The following TSPAN5 variants were observed in gnomAD, a reference collection of about 807,000 sequenced individuals.
The protein encoded by TSPAN5 is tetraspanin 5, also known as tetraspanin-5.
TSPAN5 carries 10 observed loss-of-function variants against 37.1 expected under a neutral mutation model. The observed-to-expected ratio is 0.27, with a 90% CI of 0.17 to 0.46. The LOEUF (loss-of-function observed/expected upper bound fraction) is 0.46, where lower values mean the gene tolerates loss of function less well. TSPAN5 is among the 20% of genes least tolerant of loss of function. The pLI is 1.00. For synonymous variants in TSPAN5, 110 were observed against 118.9 expected, an observed-to-expected ratio of 0.93 and a Z score of 0.48; for missense variants, 195 against 326.6, an observed-to-expected ratio of 0.60 and a Z score of 3.11.
intron 2 of TSPAN5, among the ~76,000 whole-genome samples, chr4:98,500,930 G>A (rs4699638): frequency 0.33 from 50,240 of 151,786 alleles, 8,796 homozygotes; most frequent in Admixed American, 0.43. Context: ...GGCAGAATGG[G>A]AACATTCAAT....
chr4:98,636,955 C>T (rs908275553), intron 1 of TSPAN5, among the ~76,000 whole-genome samples: 7 of 152,140 alleles, frequency 4.6e-5, no homozygotes, highest in Non-Finnish European at 8.8e-5. Flanking sequence ...TGTGAGGTTT[C>T]TTAGCCCAGT....
intron 1 of TSPAN5, among the ~76,000 whole-genome samples, chr4:98,634,589 C>A (rs12509052): frequency 1.3e-5 from 2 of 152,144 alleles, no homozygotes; most frequent in African/African-American, 4.8e-5. Context: ...GAGGGAAAAA[C>A]GCTTTGTCAG....
intron 1 of TSPAN5, among the ~76,000 whole-genome samples, chr4:98,522,328 G>A (rs975618827): frequency 7.2e-5 from 11 of 152,166 alleles, no homozygotes; most frequent in South Asian, 2.1e-4. Context: ...TCAAGTCCAC[G>A]CTGAAACAGG....
intron 2 of TSPAN5, among the ~76,000 whole-genome samples, chr4:98,492,149 C>A (rs1293526360): frequency 6.6e-6 from 1 of 152,130 alleles, no homozygotes; most frequent in Non-Finnish European, 1.5e-5. Flanking sequence ...TCCTGCTGGC[C>A]TGGTGAGGGC....
At chr4:98,587,616 G>A (rs192626105) in intron 1 of TSPAN5, among the ~76,000 whole-genome samples, 61 of 152,274 alleles carry the variant, frequency 4.0e-4, no homozygotes, top group South Asian at 3.9e-3. Flanking sequence ...CTGGCCGGGC[G>A]CAGTGGCTCA....
At chr4:98,579,986 A>C (rs544055767) in intron 1 of TSPAN5, among the ~76,000 whole-genome samples, 104 of 152,210 alleles carry the variant, frequency 6.8e-4, no homozygotes, top group Non-Finnish European at 1.2e-3. Flanking sequence ...ATATATGACT[A>C]TAATAGTAAC....
chr4:98,626,615 C>T (rs1332174297), intron 1 of TSPAN5, among the ~76,000 whole-genome samples: 1 of 152,110 alleles, frequency 6.6e-6, no homozygotes, highest in Non-Finnish European at 1.5e-5. Flanking sequence ...AGAACCTTCA[C>T]CCCTACAGGC....
At chr4:98,604,579 T>A (rs1215042156) in intron 1 of TSPAN5, among the ~76,000 whole-genome samples, 5 of 152,220 alleles carry the variant, frequency 3.3e-5, no homozygotes, top group Non-Finnish European at 5.9e-5. Flanking sequence ...TAGGCAGTAG[T>A]GGGATTTATA....
At position 98,522,681 on chromosome 4, in the gene TSPAN5, T is replaced by A. The variant is rs147516541; in HGVS notation, c.82-14953A>T. Among the ~76,000 whole-genome samples, 661 of 152,328 alleles carry A rather than the reference T, an allele frequency of 4.3e-3. 5 individuals carry two copies. Among genetic ancestry groups the A allele is most frequent in the Middle Eastern group, 0.014 (4 of 294 alleles). ...TGAAAGAAGGCACAGAGGCAATTAG[T>A]CCTTTGTTGTGGATGACAAATAACC... is the stretch of plus-strand genomic sequence containing the variant. On this transcript the variant is annotated intron_variant, in intron 1 of 7. Coordinates refer to ENST00000305798, the MANE Select transcript of TSPAN5 (RefSeq NM_005723.4).
chr4:98,598,379 G>A (rs1755801963), intron 1 of TSPAN5, among the ~76,000 whole-genome samples: 1 of 150,178 alleles, frequency 6.7e-6, no homozygotes, highest in Admixed American at 6.6e-5. Context: ...AGATGGAAAT[G>A]CAGAAATCAC....
chr4:98,639,855 A>C (rs1421485824), intron 1 of TSPAN5, among the ~76,000 whole-genome samples: 1 of 152,224 alleles, frequency 6.6e-6, no homozygotes, highest in Non-Finnish European at 1.5e-5. Context: ...ATTGTTCCAG[A>C]AATCTTTACT....
At chr4:98,491,830 T>C (rs749570176) in intron 2 of TSPAN5, among the ~76,000 whole-genome samples, 1 of 152,142 alleles carries the variant, frequency 6.6e-6, no homozygotes, top group African/African-American at 2.4e-5. Flanking sequence ...TCAGCTCAAT[T>C]TGACAGATGA....
chr4:98,598,760 G>T (rs762281631), intron 1 of TSPAN5, among the ~76,000 whole-genome samples: 1 of 152,158 alleles, frequency 6.6e-6, no homozygotes, highest in Non-Finnish European at 1.5e-5. Flanking sequence ...GAGCCACCGT[G>T]CCTGGCCCCT....
At chr4:98,541,475 G>T (rs1233298015) in intron 1 of TSPAN5, among the ~76,000 whole-genome samples, 3 of 151,996 alleles carry the variant, frequency 2.0e-5, no homozygotes. Flanking sequence ...AGGAGATCGA[G>T]ACTAGCCTGG....
chr4:98,545,408 T>C (rs1332351613), intron 1 of TSPAN5, among the ~76,000 whole-genome samples: 1 of 152,244 alleles, frequency 6.6e-6, no homozygotes, highest in Non-Finnish European at 1.5e-5. Context: ...GGGGTTTCTG[T>C]CACTTAGAGC....
chr4:98,614,873 T>G (rs1013839528), intron 1 of TSPAN5, among the ~76,000 whole-genome samples: 1 of 152,218 alleles, frequency 6.6e-6, no homozygotes, highest in African/African-American at 2.4e-5. Context: ...AGGCCCTTCA[T>G]GAATGTCAGG....
chr4:98,641,169 TCTC>T (rs1228233963), intron 1 of TSPAN5, among the ~76,000 whole-genome samples: 5 of 152,114 alleles, frequency 3.3e-5, no homozygotes, highest in Admixed American at 3.3e-4. Flanking sequence ...TTTTATATAA[TCTC>T]CTACTATCTG....
chr4:98,627,032 T>C lies in TSPAN5; in HGVS notation c.81+31114A>G, dbSNP rs538645856. On this transcript the variant is annotated intron_variant, in intron 1 of 7. Transcript: ENST00000305798. Reference sequence around the variant, plus strand: ...AAAAGGGTACTTGATTAATGAAGCATTGTAAGAGAGAGCAACCAGCTTGGG... The same window carrying C: ...AAAAGGGTACTTGATTAATGAAGCACTGTAAGAGAGAGCAACCAGCTTGGG... 1.7e-3 allele frequency among the ~76,000 whole-genome samples: 253 copies of C among 152,014 alleles called. 1 individual carries two copies. In the Middle Eastern group the frequency reaches 0.034, roughly 20 times the overall value.
At chr4:98,631,230 T>C (rs1012180639) in intron 1 of TSPAN5, among the ~76,000 whole-genome samples, 1 of 152,132 alleles carries the variant, frequency 6.6e-6, no homozygotes, top group Admixed American at 6.5e-5. Context: ...AATGCTCTGG[T>C]AGCTCTGAGA....
Sources: gnomAD v4.1 joint callset for allele counts (sites outside exome capture counted in the v4.1 genomes callset) on GRCh38, gnomAD v4.1.1 for gene constraint, MANE v1.5 for transcripts, NCBI Gene and HGNC (gene_info 2026-07-23, HGNC 2026-07-21) for gene names.